The following DBT variants were observed in gnomAD, a reference collection of about 807,000 sequenced individuals.
The protein encoded by DBT is dihydrolipoamide branched chain transacylase E2, also known as lipoamide acyltransferase component of branched-chain alpha-keto acid dehydrogenase complex, mitochondrial.
Under a neutral mutation model 51.3 loss-of-function variants are expected in DBT, and 40 were observed. The ratio of observed to expected loss-of-function variants is 0.78; its 90% CI spans 0.61 to 1.02. The LOEUF (loss-of-function observed/expected upper bound fraction) is 1.02, where lower values mean the gene tolerates loss of function less well. Among genes scored for constraint, DBT ranks in the 50% least tolerant of loss-of-function variants. DBT has a pLI of 0.00. For missense variants in DBT, 510 were observed against 580.2 expected, an observed-to-expected ratio of 0.88 and a Z score of 1.24; for synonymous variants, 181 against 190.4, an observed-to-expected ratio of 0.95 and a Z score of 0.41.
At position 100,242,469 on chromosome 1, in the gene DBT, A is replaced by C. The variant is rs565291164; in HGVS notation, c.52-1585T>G. ...AAAAACTGAAGATCCCTTTCCTAAA[A>C]CATAAATAATCTTAAATCATTCATC... On this transcript the variant is annotated intron_variant, in intron 1 of 10. Coordinates refer to ENST00000370132, the MANE Select transcript of DBT (RefSeq NM_001918.5). Among the ~76,000 whole-genome samples the C allele has an allele frequency of 4.6e-5, 7 of 152,306 alleles. No individual in the cohort carries two copies. In the South Asian group the frequency reaches 1.5e-3, roughly 32 times the overall value.
intron 1 of DBT, 59 bp downstream of exon 1, chr1:100,249,711 C>G (rs1341299412): frequency 1.9e-6 from 3 of 1,562,258 alleles, no homozygotes; most frequent in Non-Finnish European, 2.6e-6. Flanking sequence ...AACACCACTC[C>G]TGGATGACTC....
At chr1:100,244,003 T>C (rs1328504778) in intron 1 of DBT, among the ~76,000 whole-genome samples, 2 of 135,790 alleles carry the variant, frequency 1.5e-5, no homozygotes, top group South Asian at 2.3e-4. Flanking sequence ...CCGGGCACAG[T>C]GGTTCATAGC....
At chr1:100,242,006 C>A (rs1322939223) in intron 1 of DBT, among the ~76,000 whole-genome samples, 1 of 150,876 alleles carries the variant, frequency 6.6e-6, no homozygotes. Flanking sequence ...GGTGACAGAG[C>A]AAGACTCCAT....
chr1:100,196,770 C>G (rs971720695), intron 10 of DBT: 3 of 230,040 alleles, frequency 1.3e-5, no homozygotes, highest in African/African-American at 7.0e-5. Context: ...TGGGGAGAGA[C>G]AGACAATTAA....
chr1:100,210,373 A>C (rs1337836550), intron 8 of DBT, among the ~76,000 whole-genome samples: 1 of 149,994 alleles, frequency 6.7e-6, no homozygotes, highest in Non-Finnish European at 1.5e-5. Flanking sequence ...TTAAAATTCC[A>C]GGAATTCAAT....
chr1:100,196,786 G>C (rs1221930260), intron 10 of DBT: 1 of 217,850 alleles, frequency 4.6e-6, no homozygotes, highest in African/African-American at 2.3e-5. Context: ...ATTAAATAAG[G>C]CTTCCTCACT....
rs398123661 is a variant in DBT at position 100,196,356 on chromosome 1, C to T, written c.1348G>A (p.Ala450Thr). 2.5e-6 allele frequency: 4 copies of T among 1,594,848 alleles called. No individual in the cohort carries two copies. The highest frequency in any genetic ancestry group is 3.4e-6 in the Non-Finnish European group (4 of 1,174,180). Residue 450 changes from alanine to threonine, a missense_variant, in exon 11 of 11, where the codon GCT (alanine) becomes ACT (threonine). By Grantham distance (58) the Ala-to-Thr change is moderately conservative. Transcript: ENST00000370132. ...KAQIMNVSWS[A>T]DHRVIDGATM... ...GCACCATCAATAACTCTGTGATCAG[C>T]TGACCAGCTCACATTCATTATCTGT...
chr1:100,214,853 A>G lies in DBT; in HGVS notation c.903T>C (p.Arg301=). The part of the protein sequence containing the change: ...REELKPIAFA[R]GIKLSFMPFF... ...AAGGCATAAAGGAGAGTTTAATTCC[A>G]CGAGCAAATGCAATGGGTTTTAATT... The change falls in exon 7 of 11, where the codon CGT becomes CGC. Residue 301 remains arginine (R), a synonymous_variant. Coordinates refer to ENST00000370132, the MANE Select transcript of DBT (RefSeq NM_001918.5). 6.2e-7 allele frequency: 1 copy of G among 1,614,198 alleles called. No individual in the cohort carries two copies. Among genetic ancestry groups the G allele is most frequent in the Non-Finnish European group, 8.5e-7 (1 of 1,180,022 alleles).
intron 4 of DBT, among the ~76,000 whole-genome samples, chr1:100,226,877 GTAAT>G (rs982130171): frequency 1.3e-5 from 2 of 152,178 alleles, no homozygotes; most frequent in Non-Finnish European, 1.5e-5. Context: ...AATAATGATT[GTAAT>G]TAATTAAACA....
Position 100,189,615 on chromosome 1 carries a change from A to G in DBT, c.*6640T>C, listed in dbSNP as rs374210600. On this transcript the variant is annotated 3_prime_UTR_variant, in exon 11 of 11. Coordinates refer to ENST00000370132, the MANE Select transcript of DBT (RefSeq NM_001918.5). ...CACTGATTACAGGTGAGCACTGGGG[A>G]AAAAAGCCAGGATTGCAAGGAGTTA... 6 of 152,326 alleles carry G rather than the reference A, an allele frequency of 3.9e-5. No individual in the cohort carries two copies. The highest frequency in any genetic ancestry group is 1.4e-4 in the African/African-American group (6 of 41,556). 9.4% of individuals were successfully genotyped at this position (152,326 alleles called of 1,614,324 possible). A position where few individuals can be genotyped will look rare whatever the true frequency, so the allele number is the denominator to read the frequency against.
chr1:100,216,757 A>G (rs1662519537), intron 5 of DBT, among the ~76,000 whole-genome samples: 2 of 152,214 alleles, frequency 1.3e-5, no homozygotes, highest in Non-Finnish European at 2.9e-5. Context: ...AAACGTAACA[A>G]CTTAAATAAT....
At chr1:100,204,087 T>C (rs779155250) in intron 10 of DBT, among the ~76,000 whole-genome samples, 1 of 152,186 alleles carries the variant, frequency 6.6e-6, no homozygotes, top group Non-Finnish European at 1.5e-5. Context: ...CAACATAGTA[T>C]TGGAAGTTCT....
intron 8 of DBT, among the ~76,000 whole-genome samples, chr1:100,209,764 G>A (rs1306665996): frequency 1.3e-5 from 2 of 151,812 alleles, no homozygotes; most frequent in Non-Finnish European, 2.9e-5. Context: ...GTTTCACCAT[G>A]TTGGCCAGGC....
chr1:100,204,569 C>T (rs1043736374), intron 10 of DBT, among the ~76,000 whole-genome samples: 2 of 152,130 alleles, frequency 1.3e-5, no homozygotes, highest in African/African-American at 2.4e-5. Context: ...CATCAAGCTA[C>T]CATTGACTTT....
intron 10 of DBT, among the ~76,000 whole-genome samples, chr1:100,198,454 A>C (rs1354703632): frequency 6.6e-6 from 1 of 152,222 alleles, no homozygotes; most frequent in Non-Finnish European, 1.5e-5. Flanking sequence ...ATGCCACTGA[A>C]CAATGTACTT....
intron 7 of DBT, among the ~76,000 whole-genome samples, chr1:100,214,080 A>G (rs1570815202): frequency 6.6e-6 from 1 of 152,030 alleles, no homozygotes; most frequent in South Asian, 2.1e-4. Flanking sequence ...TGATGGTCTT[A>G]CTCCATTTTA....
chr1:100,188,055 C>T lies in DBT; in HGVS notation c.*8200G>A, dbSNP rs1005632465. On this transcript the variant is annotated 3_prime_UTR_variant, in exon 11 of 11. Transcript: ENST00000370132. ...TTCACTGTGGCAAGTTTGTCCTCCTCTGTCCAAAGCAACAATTGAACCAAC... is the reference window on the plus strand; with the variant it reads ...TTCACTGTGGCAAGTTTGTCCTCCTTTGTCCAAAGCAACAATTGAACCAAC... 2 of 152,212 alleles carry T rather than the reference C, an allele frequency of 1.3e-5. No individual in the cohort carries two copies. The highest frequency in any genetic ancestry group is 2.9e-5 in the Non-Finnish European group (2 of 68,044). The allele number at this position is 152,212 out of a possible 1,614,324, so 9.4% of individuals were successfully genotyped here.
At chr1:100,218,026 T>G (rs911560676) in intron 5 of DBT, among the ~76,000 whole-genome samples, 1 of 152,192 alleles carries the variant, frequency 6.6e-6, no homozygotes, top group Admixed American at 6.6e-5. Flanking sequence ...CCTATCCCAG[T>G]GCCAGGGAGC....
Position 100,192,863 on chromosome 1 carries a change from AC to A in DBT, c.*3391del, listed in dbSNP as rs1343701406. 1 of 152,154 alleles carries A rather than the reference AC, an allele frequency of 6.6e-6. No homozygotes were observed. Among genetic ancestry groups the A allele is most frequent in the African/African-American group, 2.4e-5 (1 of 41,420 alleles). The allele number at this position is 152,154 out of a possible 1,614,324, so 9.4% of individuals were successfully genotyped here. A position where few individuals can be genotyped will look rare whatever the true frequency, so the allele number is the denominator to read the frequency against. On this transcript the variant is annotated 3_prime_UTR_variant, in exon 11 of 11. Coordinates refer to ENST00000370132, the MANE Select transcript of DBT (RefSeq NM_001918.5). ...TTTGGCTTCTCCCCCATGTACATATACCTTCTAATCTCCAGACATGTTAGTA... is the reference window on the plus strand; with the variant it reads ...TTTGGCTTCTCCCCCATGTACATATACTTCTAATCTCCAGACATGTTAGTA...
Sources: allele counts gnomAD v4.1 joint callset (sites outside exome capture counted in the v4.1 genomes callset), GRCh38; gene constraint gnomAD v4.1.1; transcripts MANE v1.5; gene names NCBI Gene and HGNC (gene_info 2026-07-23, HGNC 2026-07-21).